Variants in ITGBL1 observed in about 807,000 individuals in gnomAD.
ITGBL1 encodes the protein integrin beta-like protein 1.
Under a neutral mutation model 68.5 loss-of-function variants are expected in ITGBL1, and 51 were observed. The ratio of observed to expected loss-of-function variants is 0.74; its 90% CI spans 0.59 to 0.94. ITGBL1 has a LOEUF of 0.94. ITGBL1 is among the 40% of genes least tolerant of loss of function. ITGBL1 has a pLI of 0.00. For missense variants in ITGBL1, 649 were observed against 647.4 expected (o/e 1.00, Z -0.03); for synonymous variants, 209 against 227.3 (o/e 0.92, Z 0.72).
At chr13:101,552,894 G>A (rs998122838) in intron 2 of ITGBL1, among the ~76,000 whole-genome samples, 1 of 152,138 alleles carries the variant, frequency 6.6e-6, no homozygotes, top group Non-Finnish European at 1.5e-5. Flanking sequence ...AAATTTATTT[G>A]AAGGAGCAGT....
At chr13:101,655,203 G>A (rs1484001868) in intron 7 of ITGBL1, among the ~76,000 whole-genome samples, 1 of 152,160 alleles carries the variant, frequency 6.6e-6, no homozygotes, top group African/African-American at 2.4e-5. Flanking sequence ...ATTCATCAAA[G>A]CACCCTGCCC....
At chr13:101,678,919 T>TC (rs1316528416) in intron 7 of ITGBL1, among the ~76,000 whole-genome samples, 7 of 151,636 alleles carry the variant, frequency 4.6e-5, no homozygotes, top group African/African-American at 1.7e-4. Flanking sequence ...TTTTTTAATT[T>TC]TTTTTTTTAT....
At chr13:101,594,549 A>G (rs962486096) in intron 6 of ITGBL1, among the ~76,000 whole-genome samples, 33 of 152,296 alleles carry the variant, frequency 2.2e-4, no homozygotes, top group African/African-American at 7.9e-4. Flanking sequence ...ATATAACACC[A>G]GAACACAGAC....
At chr13:101,648,556 C>T (rs1204398639) in intron 7 of ITGBL1, among the ~76,000 whole-genome samples, 1 of 151,862 alleles carries the variant, frequency 6.6e-6, no homozygotes, top group East Asian at 1.9e-4. Flanking sequence ...GAACTTAGTC[C>T]ATATATAAAG....
intron 3 of ITGBL1, among the ~76,000 whole-genome samples, chr13:101,574,872 A>G (rs1424895991): frequency 6.6e-6 from 1 of 152,128 alleles, no homozygotes; most frequent in African/African-American, 2.4e-5. Flanking sequence ...TTGTCCCATT[A>G]TTGTAAGGAC....
At chr13:101,454,544 T>C (rs2048215156) in intron 2 of ITGBL1, among the ~76,000 whole-genome samples, 1 of 152,134 alleles carries the variant, frequency 6.6e-6, no homozygotes, top group Non-Finnish European at 1.5e-5. Context: ...TTCCTCATTA[T>C]AGACTAAATT....
At chr13:101,662,200 C>A (rs1180697346) in intron 7 of ITGBL1, among the ~76,000 whole-genome samples, 1 of 152,132 alleles carries the variant, frequency 6.6e-6, no homozygotes. Flanking sequence ...AAGCAAAAGT[C>A]ATTTCATGGC....
At chr13:101,692,768 A>C in intron 8 of ITGBL1, 67 bp downstream of exon 8, 1 of 971,810 alleles carries the variant, frequency 1.0e-6, no homozygotes. Flanking sequence ...TTGTTATTCT[A>C]CTGACTCTTG....
intron 6 of ITGBL1, among the ~76,000 whole-genome samples, chr13:101,585,432 A>G (rs1314288837): frequency 1.3e-5 from 2 of 152,144 alleles, no homozygotes; most frequent in East Asian, 3.9e-4. Context: ...CCATTTGACA[A>G]TACCATTTTC....
intron 8 of ITGBL1, among the ~76,000 whole-genome samples, chr13:101,702,081 G>T (rs2034149287): frequency 6.6e-6 from 1 of 152,122 alleles, no homozygotes; most frequent in Admixed American, 6.5e-5. Flanking sequence ...TTTTATGTGG[G>T]TTTTAATAGA....
intron 7 of ITGBL1, among the ~76,000 whole-genome samples, chr13:101,679,694 A>G (rs909246513): frequency 2.0e-5 from 3 of 152,192 alleles, no homozygotes; most frequent in Non-Finnish European, 4.4e-5. Flanking sequence ...AAAAAGGTGA[A>G]TCTTGAATAG....
At chr13:101,512,075 G>A (rs920522072) in intron 2 of ITGBL1, among the ~76,000 whole-genome samples, 1 of 152,088 alleles carries the variant, frequency 6.6e-6, no homozygotes, top group African/African-American at 2.4e-5. Context: ...AGTTACTCCT[G>A]TGGATTTTGT....
intron 9 of ITGBL1, among the ~76,000 whole-genome samples, chr13:101,709,385 AAAAAAAAAAAAAAG>A (rs1376239620): frequency 6.0e-5 from 9 of 149,158 alleles, no homozygotes; most frequent in African/African-American, 1.7e-4. Context: ...AAAAAAAAAA[AAAAAAAAAAAAAAG>A]AAAAGCAGGA....
At chr13:101,668,447 G>T (rs1171522748) in intron 7 of ITGBL1, among the ~76,000 whole-genome samples, 1 of 152,110 alleles carries the variant, frequency 6.6e-6, no homozygotes, top group East Asian at 1.9e-4. Context: ...GATTTTGTTT[G>T]TGTAGCTCTT....
chr13:101,554,045 A>G (rs2049965466), intron 2 of ITGBL1, among the ~76,000 whole-genome samples: 1 of 152,060 alleles, frequency 6.6e-6, no homozygotes, highest in Non-Finnish European at 1.5e-5. Flanking sequence ...AAGTTCTGGG[A>G]TTACAGGCAT....
At chr13:101,553,090 G>A (rs185025487) in intron 2 of ITGBL1, among the ~76,000 whole-genome samples, 1 of 152,220 alleles carries the variant, frequency 6.6e-6, no homozygotes, top group Admixed American at 6.5e-5. Context: ...GGGGAATGGA[G>A]GAATCCCAAG....
chr13:101,583,255 A>G lies in ITGBL1; in HGVS notation c.767A>G (p.Asp256Gly), dbSNP rs777677189. 1 of 1,613,802 alleles carries G rather than the reference A, an allele frequency of 6.2e-7. No individual in the cohort carries two copies. The highest frequency in any genetic ancestry group is 1.1e-5 in the South Asian group (1 of 91,060). The part of the protein sequence containing the change: ...VCGECTCHDV[D>G]PTGDWGDIHG... ...GGTGAATGTACCTGTCACGATGTTG[A>G]TCCGACTGGGGACTGGGGAGATATT... Residue 256 changes from aspartate (D) to glycine (G), a missense_variant, in exon 6 of 11, where the codon GAT becomes GGT. By Grantham distance (94) the Asp-to-Gly change is moderately conservative (BLOSUM62 -1). Transcript: ENST00000376180.
chr13:101,524,109 A>G (rs899492711), intron 2 of ITGBL1, among the ~76,000 whole-genome samples: 1 of 147,470 alleles, frequency 6.8e-6, no homozygotes, highest in African/African-American at 2.5e-5. Flanking sequence ...GATTAAGGGG[A>G]AAAACAAACT....
intron 7 of ITGBL1, among the ~76,000 whole-genome samples, chr13:101,662,991 T>G (rs564755525): frequency 1.3e-4 from 20 of 152,186 alleles, no homozygotes; most frequent in Non-Finnish European, 2.1e-4. Flanking sequence ...TATTTGGAAC[T>G]GTACCTCTAT....
Sources: allele counts gnomAD v4.1 joint callset (sites outside exome capture counted in the v4.1 genomes callset), GRCh38; gene constraint gnomAD v4.1.1; transcripts MANE v1.5; gene names NCBI Gene and HGNC (gene_info 2026-07-23, HGNC 2026-07-21).